The following KIAA1217 variants were observed in gnomAD, a reference collection of about 807,000 sequenced individuals.
KIAA1217 encodes the protein sickle tail protein homolog.
In KIAA1217, 88 loss-of-function variants were observed where a neutral mutation model predicts 163.9. That is an observed-to-expected ratio of 0.54 (90% CI 0.45 to 0.64). The LOEUF is 0.64. KIAA1217 is among the 30% of genes least tolerant of loss of function. The pLI, the probability that KIAA1217 is intolerant of heterozygous loss-of-function variation, is 0.00. For missense variants in KIAA1217, 2,372 were observed against 2,475.0 expected, an observed-to-expected ratio of 0.96 and a Z score of 0.88; for synonymous variants, 903 against 923.1, an observed-to-expected ratio of 0.98 and a Z score of 0.39.
At chr10:24,175,149 A>G (rs2065814778) in intron 2 of KIAA1217, among the ~76,000 whole-genome samples, 1 of 152,106 alleles carries the variant, frequency 6.6e-6, no homozygotes, top group Non-Finnish European at 1.5e-5. Flanking sequence ...GGCGTGAGCC[A>G]CCGCACCCAG....
At chr10:24,260,609 C>G (rs1253011122) in intron 2 of KIAA1217, among the ~76,000 whole-genome samples, 4 of 133,372 alleles carry the variant, frequency 3.0e-5, no homozygotes, top group African/African-American at 8.7e-5. Context: ...AAAAAAAAAG[C>G]CAAGTATGCT....
intron 2 of KIAA1217, among the ~76,000 whole-genome samples, chr10:24,228,160 G>T (rs1451743655): frequency 6.6e-6 from 1 of 152,014 alleles, no homozygotes; most frequent in Non-Finnish European, 1.5e-5. Context: ...CAGTTGGGGG[G>T]CTGAGGTGGG....
intron 4 of KIAA1217, 106 bp downstream of exon 4, chr10:24,433,299 A>G: frequency 1.3e-6 from 1 of 782,054 alleles, no homozygotes; most frequent in East Asian, 2.7e-5. Context: ...TATTGCATTT[A>G]GAGTGTTTTT....
intron 1 of KIAA1217, among the ~76,000 whole-genome samples, chr10:23,897,112 T>A (rs1430226428): frequency 6.6e-6 from 1 of 152,072 alleles, no homozygotes; most frequent in Non-Finnish European, 1.5e-5. Context: ...AACTTGTTTA[T>A]CAAGATATAT....
chr10:24,203,995 A>C (rs553998754), upstream of KIAA1217, among the ~76,000 whole-genome samples: 34 of 152,242 alleles, frequency 2.2e-4, no homozygotes, highest in Non-Finnish European at 4.7e-4. Context: ...CTATCTTCCA[A>C]CTTAAAATAG....
chr10:24,235,174 C>G (rs1590114464), intron 2 of KIAA1217, among the ~76,000 whole-genome samples: 1 of 152,300 alleles, frequency 6.6e-6, no homozygotes, highest in East Asian at 1.9e-4. Flanking sequence ...TACTCCAAGT[C>G]TACTGATTTA....
intron 2 of KIAA1217, among the ~76,000 whole-genome samples, chr10:24,162,388 G>T (rs7909434): frequency 0.99 from 151,192 of 152,346 alleles, 75,078 homozygotes; most frequent in Middle Eastern, 1. Context: ...GCTAACAGCC[G>T]CCATGAATCG....
rs778865875 is a variant in KIAA1217 at position 24,438,475 on chromosome 10, T to A, written c.842T>A (p.Met281Lys). 4 of 1,601,184 alleles carry A rather than the reference T, an allele frequency of 2.5e-6. No homozygotes were observed. Among genetic ancestry groups the A allele is most frequent in the Non-Finnish European group, 3.4e-6 (4 of 1,168,244 alleles). Residue 281 changes from methionine to lysine, a missense_variant, in exon 5 of 21, where the codon ATG becomes AAG. This residue lies in a region of KIAA1217 where 1,431 missense variants were observed against 1,470.3 expected (regional missense o/e 0.97). Transcript: ENST00000376454. ...ACACCAAAAACTATGAATGGAGACA[T>A]GAGGGTAAGTGTTTCTGTCATATTT... ...NHTPKTMNGD[M>K]RMQRELVYAR...
rs142895330 is a variant in KIAA1217, at chr10:23,845,263, T to G, written c.-321+150029T>G. Among the ~76,000 whole-genome samples, 736 of 152,304 alleles carry G rather than the reference T, an allele frequency of 4.8e-3. 10 individuals are homozygous for G. Among genetic ancestry groups the G allele is most frequent in the African/African-American group, 0.016 (664 of 41,570 alleles). On this transcript the variant is annotated intron_variant, in intron 1 of 18. Coordinates refer to the KIAA1217 transcript ENST00000376462. ...TTGGGTATATGCCCAGTAATGAGAT[T>G]GCTGGGTCAAATGGTATTTCTAGTT... is the stretch of plus-strand genomic sequence containing the variant.
chr10:23,757,584 C>G (rs1833987645), intron 1 of KIAA1217, among the ~76,000 whole-genome samples: 1 of 152,216 alleles, frequency 6.6e-6, no homozygotes, highest in South Asian at 2.1e-4. Context: ...GTGGCGTGAT[C>G]TCAGTTCACT....
chr10:23,762,890 C>A (rs1834331100), intron 1 of KIAA1217, among the ~76,000 whole-genome samples: 1 of 152,146 alleles, frequency 6.6e-6, no homozygotes, highest in South Asian at 2.1e-4. Context: ...CCCAAAAACT[C>A]CTTAAACTGA....
intron 1 of KIAA1217, among the ~76,000 whole-genome samples, chr10:23,704,172 G>GTGTATATATA (rs1229370789): frequency 6.5e-4 from 26 of 39,934 alleles, no homozygotes; most frequent in African/African-American, 1.5e-3. Context: ...GTGTGTGTGT[G>GTGTATATATA]TATATATATA....
intron 1 of KIAA1217, among the ~76,000 whole-genome samples, chr10:23,766,293 G>A (rs7085055): frequency 0.045 from 6,788 of 152,206 alleles, 499 homozygotes; most frequent in African/African-American, 0.15. Flanking sequence ...AATATTTAAA[G>A]AATAGCTTTT....
At chr10:23,933,111 C>T (rs1467395517) in intron 1 of KIAA1217, among the ~76,000 whole-genome samples, 1 of 152,222 alleles carries the variant, frequency 6.6e-6, no homozygotes, top group Non-Finnish European at 1.5e-5. Context: ...TTTTACTTCT[C>T]ATATAATAAA....
intron 1 of KIAA1217, among the ~76,000 whole-genome samples, chr10:23,867,195 A>G (rs1162992464): frequency 4.6e-5 from 7 of 151,972 alleles, no homozygotes; most frequent in Non-Finnish European, 8.8e-5. Flanking sequence ...ATTTTTCATG[A>G]CTGCATAGTA....
chr10:24,480,614 T>C (rs895279814), intron 6 of KIAA1217, among the ~76,000 whole-genome samples: 8 of 152,208 alleles, frequency 5.3e-5, no homozygotes, highest in African/African-American at 1.7e-4. Context: ...CAGTGTGTTA[T>C]GGCAGCCTGG....
In KIAA1217 at chr10:24,374,341, G is replaced by A. The variant is rs191733326; in HGVS notation, c.355-6528G>A. Reference sequence around the variant, plus strand: ...TCCTGGTTACTAGTCATCCTGGCAAGTATCCACAAACTGCTCACATCCAGC... The same window carrying A: ...TCCTGGTTACTAGTCATCCTGGCAAATATCCACAAACTGCTCACATCCAGC... On this transcript the variant is annotated intron_variant, in intron 2 of 20. Coordinates refer to ENST00000376454, the MANE Select transcript of KIAA1217 (RefSeq NM_019590.5). 2.4e-3 allele frequency among the ~76,000 whole-genome samples: 363 copies of A among 152,258 alleles called. 2 individuals carry two copies. Among genetic ancestry groups the A allele is most frequent in the Non-Finnish European group, 4.3e-3 (294 of 68,010 alleles).
chr10:24,348,406 T>C (rs971400630), intron 2 of KIAA1217, among the ~76,000 whole-genome samples: 1 of 152,176 alleles, frequency 6.6e-6, no homozygotes, highest in Non-Finnish European at 1.5e-5. Context: ...AAATAGATCT[T>C]ACTCTAGTTC....
intron 2 of KIAA1217, among the ~76,000 whole-genome samples, chr10:24,017,966 T>C (rs1847562661): frequency 6.6e-6 from 1 of 152,110 alleles, no homozygotes; most frequent in Non-Finnish European, 1.5e-5. Context: ...AGAAAATGTA[T>C]TCCTTCAATA....
Sources: gnomAD v4.1 joint callset for allele counts (sites outside exome capture counted in the v4.1 genomes callset) on GRCh38, gnomAD v4.1.1 for gene constraint, gnomAD v4.1.1 regional missense constraint, MANE v1.5 for transcripts, NCBI Gene and HGNC (gene_info 2026-07-23, HGNC 2026-07-21) for gene names.